Variants in CNOT6 observed in about 807,000 individuals in gnomAD.
CNOT6 encodes the protein carbon catabolite repression 4 protein.
Under a neutral mutation model 61.2 loss-of-function variants are expected in CNOT6, and 12 were observed. The ratio of observed to expected loss-of-function variants is 0.20; its 90% CI spans 0.13 to 0.32. The LOEUF is 0.32. Ranked by LOEUF, CNOT6 falls within the 10% of genes least tolerant of loss-of-function variation. CNOT6 has a pLI of 1.00. For missense variants in CNOT6, 405 were observed against 663.9 expected, an observed-to-expected ratio of 0.61 and a Z score of 4.28; for synonymous variants, 225 against 240.6, an observed-to-expected ratio of 0.94 and a Z score of 0.60.
intron 4 of CNOT6, among the ~76,000 whole-genome samples, chr5:180,556,082 C>T (rs753451496): frequency 3.9e-5 from 6 of 152,178 alleles, no homozygotes; most frequent in Non-Finnish European, 7.4e-5. Flanking sequence ...CAACTCCCTC[C>T]AATAGTAGCA....
In CNOT6 at chr5:180,529,336, T is replaced by G. The variant is rs918625832; in HGVS notation, c.60T>G (p.Ser20=). ...GGAGGATGTATACAATTATGTCTTC[T>G]GAGGAAGCAGCAAATGGAAAGAAAT... ...DPRRMYTIMS[S]EEAANGKKSH... The change falls in exon 2 of 12, where the codon TCT becomes TCG. Residue 20 remains serine, a synonymous_variant. Transcript: ENST00000261951. 6.2e-7 allele frequency: 1 copy of G among 1,613,862 alleles called. No homozygotes were observed. Among genetic ancestry groups the G allele is most frequent in the East Asian group, 2.2e-5 (1 of 44,884 alleles).
chr5:180,500,828 A>G (rs1255157007), intron 1 of CNOT6, among the ~76,000 whole-genome samples: 1 of 152,140 alleles, frequency 6.6e-6, no homozygotes, highest in African/African-American at 2.4e-5. Flanking sequence ...ACAGTAATTA[A>G]GAAAGCACAA....
chr5:180,496,101 C>G (rs1221449309), intron 1 of CNOT6, among the ~76,000 whole-genome samples: 4 of 152,120 alleles, frequency 2.6e-5, no homozygotes, highest in Non-Finnish European at 5.9e-5. Context: ...TAGAGCCTTG[C>G]TCTGTTGCCC....
At chr5:180,517,448 A>G (rs1757687253) in intron 1 of CNOT6, among the ~76,000 whole-genome samples, 1 of 151,680 alleles carries the variant, frequency 6.6e-6, no homozygotes, top group South Asian at 2.1e-4. Context: ...ATCCTTGAAT[A>G]ATGTCGAATG....
chr5:180,572,559 T>C (rs1372018212), intron 11 of CNOT6, among the ~76,000 whole-genome samples: 4 of 152,180 alleles, frequency 2.6e-5, no homozygotes, highest in African/African-American at 7.2e-5. Context: ...CTGTCCTTTT[T>C]CTAAAAAGAG....
chr5:180,554,536 A>C (rs972859104), intron 4 of CNOT6, among the ~76,000 whole-genome samples: 1 of 152,064 alleles, frequency 6.6e-6, no homozygotes, highest in African/African-American at 2.4e-5. Context: ...AAATAAATAG[A>C]AATATATGTT....
At position 180,574,216 on chromosome 5, in the gene CNOT6, G is replaced by A; in HGVS notation, c.*16G>A. ...CAGGAGGTAGTCAAGCACCTTCAGA[G>A]GACAGCCTTGATTCACTTGTAAACT... On this transcript the variant is annotated 3_prime_UTR_variant, in exon 12 of 12. Coordinates refer to ENST00000261951, the MANE Select transcript of CNOT6 (RefSeq NM_001370472.1). 1 of 1,598,364 alleles carries A rather than the reference G, an allele frequency of 6.3e-7. No homozygotes were observed.
intron 1 of CNOT6, among the ~76,000 whole-genome samples, chr5:180,503,485 G>A (rs201245843): frequency 2.0e-5 from 3 of 151,308 alleles, no homozygotes; most frequent in East Asian, 3.9e-4. Context: ...GGCTGGTCTC[G>A]AACTCCTGAC....
chr5:180,561,394 T>TG (rs1760181590), intron 4 of CNOT6, among the ~76,000 whole-genome samples: 1 of 85,004 alleles, frequency 1.2e-5, no homozygotes, highest in Non-Finnish European at 2.6e-5. Flanking sequence ...GTGTGTGTGT[T>TG]TTCAAGCATG....
At chr5:180,553,280 C>A in intron 3 of CNOT6, 106 bp from the exon 4 acceptor site, 1 of 589,610 alleles carries the variant, frequency 1.7e-6, no homozygotes. Context: ...TATAACGTAA[C>A]ATTTTTTCAT....
intron 11 of CNOT6, among the ~76,000 whole-genome samples, chr5:180,571,909 G>T (rs1013149523): frequency 2.6e-5 from 4 of 152,098 alleles, no homozygotes; most frequent in Non-Finnish European, 1.5e-5. Flanking sequence ...TGTGATCAGT[G>T]TCACATCCTT....
intron 2 of CNOT6, among the ~76,000 whole-genome samples, chr5:180,544,363 A>G (rs1477430627): frequency 3.9e-5 from 6 of 152,118 alleles, no homozygotes; most frequent in Admixed American, 1.3e-4. Context: ...AAACCTGACA[A>G]CTGTTTTCAT....
chr5:180,537,170 G>A (rs1020483636), intron 2 of CNOT6, among the ~76,000 whole-genome samples: 1 of 152,188 alleles, frequency 6.6e-6, no homozygotes, highest in East Asian at 1.9e-4. Context: ...AAATACCAAC[G>A]AGGCATGATT....
At chr5:180,510,076 T>C (rs1757315114) in intron 1 of CNOT6, among the ~76,000 whole-genome samples, 2 of 148,932 alleles carry the variant, frequency 1.3e-5, no homozygotes, top group Non-Finnish European at 3.0e-5. Flanking sequence ...AAGGAAAGAC[T>C]AATGATAGAC....
chr5:180,509,739 C>A (rs1757294360), intron 1 of CNOT6, among the ~76,000 whole-genome samples: 1 of 151,526 alleles, frequency 6.6e-6, no homozygotes, highest in African/African-American at 2.4e-5. Context: ...TACGTAGAGA[C>A]AGGATCTCCC....
At position 180,543,098 on chromosome 5, in the gene CNOT6, G is replaced by A. The variant is rs991718791; in HGVS notation, c.113-6833G>A. ...TTTTGAGACGGAGTCTCACTCTGCC[G>A]CCCAGGTTGGAGTGCAGTGGCACGG... On this transcript the variant is annotated intron_variant, in intron 2 of 11. Transcript: ENST00000261951. Among the ~76,000 whole-genome samples, 11 of 151,560 alleles carry A rather than the reference G, an allele frequency of 7.3e-5. 1 individual carries two copies. Among genetic ancestry groups the A allele is most frequent in the South Asian group, 6.2e-4 (3 of 4,804 alleles).
chr5:180,549,565 C>T (rs1035801822), intron 2 of CNOT6, among the ~76,000 whole-genome samples: 57 of 152,038 alleles, frequency 3.7e-4, no homozygotes, highest in Non-Finnish European at 4.4e-4. Context: ...AGGAGAATGG[C>T]ATGAACCCGG....
At chr5:180,514,076 C>T (rs1757524126) in intron 1 of CNOT6, among the ~76,000 whole-genome samples, 2 of 152,068 alleles carry the variant, frequency 1.3e-5, no homozygotes, top group South Asian at 2.1e-4. Flanking sequence ...GGTCCTCCTG[C>T]CTCGGCCTCC....
Position 180,549,944 on chromosome 5 carries a change from C to T in CNOT6, c.126C>T (p.Ser42=). ...AELEISGKVR[S]LSASLWSLTH... ...TTTCTCTTACAGGAAAAGTAAGAAG[C>T]TTAAGCGCATCTTTGTGGTCACTAA... The change falls in exon 3 of 12, where the codon AGC becomes AGT. Residue 42 remains serine, a synonymous_variant. Transcript: ENST00000261951. 1 of 1,611,258 alleles carries T rather than the reference C, an allele frequency of 6.2e-7. No individual in the cohort carries two copies. Among genetic ancestry groups the T allele is most frequent in the Non-Finnish European group, 8.5e-7 (1 of 1,177,830 alleles).
Sources: gnomAD v4.1 joint callset for allele counts (sites outside exome capture counted in the v4.1 genomes callset) on GRCh38, gnomAD v4.1.1 for gene constraint, MANE v1.5 for transcripts, NCBI Gene and HGNC (gene_info 2026-07-23, HGNC 2026-07-21) for gene names.